UGT8: variants seen among roughly 807,000 people sequenced by gnomAD.
UGT8 encodes the protein UDP glycosyltransferase 8.
In UGT8, 12 loss-of-function variants were observed where a neutral mutation model predicts 40.5. The ratio of observed to expected loss-of-function variants is 0.30; its 90% confidence interval spans 0.19 to 0.48. The LOEUF is 0.48. Ranked by LOEUF, UGT8 falls within the 20% of genes least tolerant of loss-of-function variation. The pLI, the probability that UGT8 is intolerant of heterozygous loss-of-function variation, is 0.99. For missense variants in UGT8, 513 were observed against 648.7 expected (o/e 0.79, Z 2.27); for synonymous variants, 224 against 240.4 (o/e 0.93, Z 0.63).
At chr4:114,614,080 A>C (rs1375374757) in intron 1 of UGT8, among the ~76,000 whole-genome samples, 1 of 152,148 alleles carries the variant, frequency 6.6e-6, no homozygotes, top group African/African-American at 2.4e-5. Flanking sequence ...AGGTGGGCCT[A>C]AGCCAGCTAT....
Position 114,645,858 on chromosome 4 carries a change from T to C in UGT8, c.823-18137T>C, listed in dbSNP as rs565484029. ...GTAGATTTTACACATTTCAGGACTC[T>C]GTTGATTTAGCAAATGTTTACTGAG... On this transcript the variant is annotated intron_variant, in intron 2 of 5. Coordinates refer to ENST00000310836, the MANE Select transcript of UGT8 (RefSeq NM_001128174.3). Among the ~76,000 whole-genome samples the C allele has an allele frequency of 1.7e-3, 253 of 152,294 alleles. 1 individual carries two copies. Among genetic ancestry groups the C allele is most frequent in the Non-Finnish European group, 3.3e-3 (222 of 68,018 alleles).
chr4:114,640,946 A>G (rs564833909), intron 2 of UGT8, among the ~76,000 whole-genome samples: 244 of 152,256 alleles, frequency 1.6e-3, no homozygotes, highest in African/African-American at 5.6e-3. Flanking sequence ...AATATCACCA[A>G]AAGGACAGGC....
In UGT8 at chr4:114,667,893, C is replaced by G. The variant is rs543668381; in HGVS notation, c.1043-192C>G. 6.4e-5 allele frequency: 61 copies of G among 955,928 alleles called. 2 individuals carry two copies. The South Asian group carries it at 2.7e-3, about 42-fold the overall frequency. 59.2% of individuals were successfully genotyped at this position (955,928 alleles called of 1,614,324 possible). On this transcript the variant is annotated intron_variant, in intron 4 of 5. Coordinates refer to ENST00000310836, the MANE Select transcript of UGT8 (RefSeq NM_001128174.3). ...TAAAAATGGCTTTTAATTGATATAT[C>G]AAAATCTGACAATTAGGTATATAAC...
chr4:114,665,622 C>T, intron 3 of UGT8, 58 bp from the exon 4 acceptor site: 2 of 1,434,136 alleles, frequency 1.4e-6, no homozygotes, highest in African/African-American at 1.5e-5. Context: ...AATCAGAGAG[C>T]CCATACTATG....
At chr4:114,633,908 C>G (rs1215455426) in intron 2 of UGT8, among the ~76,000 whole-genome samples, 1 of 151,832 alleles carries the variant, frequency 6.6e-6, no homozygotes, top group African/African-American at 2.4e-5. Flanking sequence ...GGCGCCACTG[C>G]ACTCCAGCCT....
At chr4:114,625,644 G>C (rs1055585023) in intron 2 of UGT8, among the ~76,000 whole-genome samples, 1 of 150,466 alleles carries the variant, frequency 6.6e-6, no homozygotes, top group Non-Finnish European at 1.5e-5. Context: ...AATATTTTAT[G>C]TTTTATTTTC....
chr4:114,676,425 C>G lies in UGT8; in HGVS notation c.*137C>G. On this transcript the variant is annotated 3_prime_UTR_variant, in exon 6 of 6. Transcript: ENST00000310836. ...CCTTATGAGATCTACTAATGAAATTCTGTGGAATTAAGATGGCTGTAAAAA... is the reference window on the plus strand; with the variant it reads ...CCTTATGAGATCTACTAATGAAATTGTGTGGAATTAAGATGGCTGTAAAAA... 2 of 728,184 alleles carry G rather than the reference C, an allele frequency of 2.7e-6. No homozygotes were observed. Among genetic ancestry groups the G allele is most frequent in the Non-Finnish European group, 4.3e-6 (2 of 466,940 alleles). 45.1% of individuals were successfully genotyped at this position (728,184 alleles called of 1,614,324 possible).
At chr4:114,637,048 T>G (rs1732929453) in intron 2 of UGT8, among the ~76,000 whole-genome samples, 1 of 152,164 alleles carries the variant, frequency 6.6e-6, no homozygotes, top group African/African-American at 2.4e-5. Flanking sequence ...CAGTGAGGCA[T>G]TAGTCAAAAG....
Position 114,668,321 on chromosome 4 carries a change from C to T in UGT8, c.1262+17C>T. On this transcript the variant is annotated intron_variant, in intron 5 of 5. Transcript: ENST00000310836. ...TAATCCCAGGTAAGGTTTCAATTAA[C>T]ATTAAAGCTGATGAACTTACATACC... The T allele has an allele frequency of 6.2e-7, 1 of 1,606,678 alleles. No individual in the cohort carries two copies. The highest frequency in any genetic ancestry group is 1.3e-5 in the African/African-American group (1 of 74,880).
rs1439807351 is a variant in UGT8 at position 114,677,610 on chromosome 4, A to G, written c.*1322A>G. 1.3e-5 allele frequency: 2 copies of G among 152,254 alleles called. No individual in the cohort carries two copies. The highest frequency in any genetic ancestry group is 2.9e-5 in the Non-Finnish European group (2 of 68,046). 9.4% of individuals were successfully genotyped at this position (152,254 alleles called of 1,614,324 possible). On this transcript the variant is annotated 3_prime_UTR_variant, in exon 6 of 6. Coordinates refer to ENST00000310836, the MANE Select transcript of UGT8 (RefSeq NM_001128174.3). ...AACAGGGATGCAAGTCACAGACATC[A>G]TAAAATCAGGGTCTCCCTGCTGAAG...
In UGT8 at chr4:114,668,250, C is replaced by T; in HGVS notation, c.1208C>T (p.Thr403Ile). ...KGMGILLEWKTVTEKELYEAL... is the reference protein window; with the variant it reads ...KGMGILLEWKIVTEKELYEAL... ...ATGGGGATATTGCTAGAATGGAAGA[C>T]AGTTACTGAAAAAGAGCTCTATGAA... is the stretch of plus-strand genomic sequence containing the variant. The change falls in exon 5 of 6, where the codon ACA becomes ATA. Residue 403 changes from threonine (T) to isoleucine (I), a missense_variant. Around this residue, in one of 3 missense-constraint regions of UGT8, gnomAD observed 175 missense variants for 186.7 expected, o/e 0.94. Transcript: ENST00000310836. 1 of 1,613,790 alleles carries T rather than the reference C, an allele frequency of 6.2e-7. No homozygotes were observed. The highest frequency in any genetic ancestry group is 8.5e-7 in the Non-Finnish European group (1 of 1,179,812).
chr4:114,652,859 A>T (rs1482398404), intron 2 of UGT8, among the ~76,000 whole-genome samples: 1 of 152,020 alleles, frequency 6.6e-6, no homozygotes, highest in East Asian at 1.9e-4. Context: ...TCTTATTCTG[A>T]TCTCATTGTT....
intron 1 of UGT8, 120 bp from the exon 2 acceptor site, chr4:114,622,759 A>AC: frequency 1.6e-6 from 1 of 632,120 alleles, no homozygotes; most frequent in Non-Finnish European, 2.4e-6. Context: ...TCTGTTCATG[A>AC]TTTTTTTTTT....
At chr4:114,650,376 GA>G (rs1312250086) in intron 2 of UGT8, among the ~76,000 whole-genome samples, 9 of 152,148 alleles carry the variant, frequency 5.9e-5, no homozygotes, top group African/African-American at 2.2e-4. Context: ...TGGAAAATCA[GA>G]ACTTGGTGAT....
At chr4:114,616,076 G>A (rs530116055) in intron 1 of UGT8, among the ~76,000 whole-genome samples, 158 of 152,244 alleles carry the variant, frequency 1.0e-3, no homozygotes, top group African/African-American at 3.5e-3. Flanking sequence ...CAGTCTGCCC[G>A]TTCTCAGATC....
rs934601444 is a variant in UGT8 at position 114,678,097 on chromosome 4, T to C, written c.*1809T>C. On this transcript the variant is annotated 3_prime_UTR_variant, in exon 6 of 6. Coordinates refer to ENST00000310836, the MANE Select transcript of UGT8 (RefSeq NM_001128174.3). ...GGTGGGATAGTAAGAGGACTTAGAG[T>C]GTATGAATGAGTTGATTTTACTTTT... is the stretch of plus-strand genomic sequence containing the variant. The C allele has an allele frequency of 6.6e-6, 1 of 152,028 alleles. No individual in the cohort carries two copies. Among genetic ancestry groups the C allele is most frequent in the African/African-American group, 2.4e-5 (1 of 41,362 alleles). The allele number at this position is 152,028 out of a possible 1,614,324, so 9.4% of individuals were successfully genotyped here. A position where few individuals can be genotyped will look rare whatever the true frequency, so the allele number is the denominator to read the frequency against.
intron 1 of UGT8, among the ~76,000 whole-genome samples, chr4:114,605,380 T>C (rs1475196196): frequency 6.6e-6 from 1 of 152,202 alleles, no homozygotes; most frequent in African/African-American, 2.4e-5. Context: ...ATTTTGAAGA[T>C]ATAATTTATT....
At chr4:114,609,807 T>G (rs1483362909) in intron 1 of UGT8, among the ~76,000 whole-genome samples, 2 of 152,306 alleles carry the variant, frequency 1.3e-5, no homozygotes, top group Non-Finnish European at 2.9e-5. Flanking sequence ...CTACCCCTAC[T>G]ACTCCATCCA....
At chr4:114,644,993 T>A (rs1303002721) in intron 2 of UGT8, among the ~76,000 whole-genome samples, 2 of 152,024 alleles carry the variant, frequency 1.3e-5, no homozygotes, top group Admixed American at 6.6e-5. Context: ...TTAATTCTGC[T>A]ATATTCTTCT....
Sources: gnomAD v4.1 joint callset for allele counts (sites outside exome capture counted in the v4.1 genomes callset) on GRCh38, gnomAD v4.1.1 for gene constraint, gnomAD v4.1.1 regional missense constraint, MANE v1.5 for transcripts, NCBI Gene and HGNC (gene_info 2026-07-23, HGNC 2026-07-21) for gene names.